The following CHD4 variants were observed in gnomAD, a reference collection of about 807,000 sequenced individuals.
The protein encoded by CHD4 is ATP-dependent chromatin remodeler CHD4.
In CHD4, 35 loss-of-function variants were observed where a neutral mutation model predicts 235.5. The ratio of observed to expected loss-of-function variants is 0.15; its 90% CI spans 0.11 to 0.20. The LOEUF is 0.20. Among genes scored for constraint, CHD4 ranks in the 10% least tolerant of loss-of-function variants. CHD4 has a pLI of 1.00. For missense variants in CHD4, 1,329 were observed against 2,432.3 expected (o/e 0.55, Z 9.54); for synonymous variants, 900 against 850.2 (o/e 1.06, Z -1.02).
chr12:6,572,869 T>A, intron 38 of CHD4: 1 of 473,044 alleles, frequency 2.1e-6, no homozygotes, highest in Non-Finnish European at 3.6e-6. Context: ...CAGGAGTCCA[T>A]CTCTTTAAAA....
chr12:6,592,992 T>C, intron 17 of CHD4, 99 bp downstream of exon 17: 1 of 1,542,246 alleles, frequency 6.5e-7, no homozygotes, highest in Admixed American at 1.8e-5. Flanking sequence ...GAGACAATTT[T>C]CCCCTCTCCT....
intron 2 of CHD4, among the ~76,000 whole-genome samples, chr12:6,603,491 C>T (rs1211752463): frequency 6.8e-6 from 1 of 147,998 alleles, no homozygotes; most frequent in Non-Finnish European, 1.5e-5. Context: ...GAAGCCAGCC[C>T]AGGGCACCCA....
chr12:6,592,024 A>G lies in CHD4; in HGVS notation c.2982T>C (p.Phe994=). 6.2e-7 allele frequency: 1 copy of G among 1,614,212 alleles called. No individual in the cohort carries two copies. The highest frequency in any genetic ancestry group is 8.5e-7 in the Non-Finnish European group (1 of 1,180,030). ...KYYKYILTRN[F]EALNARGGGN... ...CACCACCTCGGGCATTGAGTGCTTC[A>G]AAATTTCGAGTGAGGATGTACTTGT... The change falls in exon 20 of 40, where the codon TTT becomes TTC. Residue 994 remains phenylalanine, a synonymous_variant. Coordinates refer to ENST00000544040, the MANE Select transcript of CHD4 (RefSeq NM_001273.5).
At chr12:6,595,975 A>G in intron 13 of CHD4, 31 bp downstream of exon 13, 1 of 1,576,684 alleles carries the variant, frequency 6.3e-7, no homozygotes, top group Non-Finnish European at 8.6e-7. Context: ...AAAAAAAGAA[A>G]CAACTCTATG....
intron 2 of CHD4, 59 bp from the exon 3 acceptor site, chr12:6,602,556 C>A (rs2136226397): frequency 6.3e-7 from 1 of 1,590,902 alleles, no homozygotes; most frequent in Middle Eastern, 1.7e-4. Context: ...AAAGGTTAGG[C>A]CCTAATCCAG....
rs538212538 is a variant in CHD4 at position 6,571,152 on chromosome 12, G to A, written c.5558-120C>T. Reference sequence around the variant, plus strand: ...AAGTAACTGTGATGTATTGTCTTCTGTCATCTGACCTGACCTCCACCATGT... The same window carrying A: ...AAGTAACTGTGATGTATTGTCTTCTATCATCTGACCTGACCTCCACCATGT... On this transcript the variant is annotated intron_variant, in intron 38 of 39. Transcript: ENST00000544040. The A allele has an allele frequency of 5.2e-5, 62 of 1,187,718 alleles. 1 individual carries two copies. The highest frequency in any genetic ancestry group is 4.9e-4 in the South Asian group (34 of 69,566). The allele number at this position is 1,187,718 out of a possible 1,614,324, so 73.6% of individuals were successfully genotyped here. A position where few individuals can be genotyped will look rare whatever the true frequency, so the allele number is the denominator to read the frequency against.
chr12:6,585,998 G>T (rs1288529602), intron 25 of CHD4, among the ~76,000 whole-genome samples: 1 of 152,028 alleles, frequency 6.6e-6, no homozygotes, highest in Non-Finnish European at 1.5e-5. Flanking sequence ...TACTTGGGAG[G>T]CTGAGGCAGG....
intron 2 of CHD4, among the ~76,000 whole-genome samples, chr12:6,603,948 C>G (rs1352638267): frequency 6.6e-6 from 1 of 152,082 alleles, no homozygotes; most frequent in Non-Finnish European, 1.5e-5. Flanking sequence ...GGAATGTCTG[C>G]ACAAAAAAAC....
intron 19 of CHD4, 84 bp from the exon 20 acceptor site, chr12:6,592,141 T>C: frequency 6.5e-7 from 1 of 1,528,764 alleles, no homozygotes; most frequent in African/African-American, 1.4e-5. Flanking sequence ...GAGATCTTTC[T>C]TCCAACACAT....
chr12:6,600,173 T>G (rs1351784081), intron 9 of CHD4, 44 bp downstream of exon 9: 1 of 1,605,818 alleles, frequency 6.2e-7, no homozygotes, highest in Admixed American at 1.7e-5. Context: ...TGTCCCACCC[T>G]TCTTCTCATG....
intron 2 of CHD4, among the ~76,000 whole-genome samples, chr12:6,603,401 G>T (rs911477458): frequency 5.3e-5 from 8 of 152,124 alleles, no homozygotes; most frequent in South Asian, 2.1e-4. Flanking sequence ...CCGCCCAAAG[G>T]GGGGTGGGTA....
At chr12:6,600,101 C>A in intron 9 of CHD4, 89 bp from the exon 10 acceptor site, 2 of 1,578,444 alleles carry the variant, frequency 1.3e-6, no homozygotes, top group Non-Finnish European at 8.6e-7. Flanking sequence ...TGAATGCTTC[C>A]CAAAGCTCAC....
At chr12:6,573,383 G>T in intron 37 of CHD4, 114 bp from the exon 38 acceptor site, 1 of 831,086 alleles carries the variant, frequency 1.2e-6, no homozygotes, top group Non-Finnish European at 1.7e-6. Flanking sequence ...AACCTATGAA[G>T]AACTTCATGG....
chr12:6,588,172 A>C lies in CHD4; in HGVS notation c.3465+126T>G, dbSNP rs113787020. ...ACTCTGGCTTACAATAAGGTAAACA[A>C]CACAAAAAGAATCTGTTGTTTCTCA... is the stretch of plus-strand genomic sequence containing the variant. On this transcript the variant is annotated intron_variant, in intron 23 of 39. Coordinates refer to ENST00000544040, the MANE Select transcript of CHD4 (RefSeq NM_001273.5). 50 of 1,337,428 alleles carry C rather than the reference A, an allele frequency of 3.7e-5. 1 individual carries two copies. The highest frequency in any genetic ancestry group is 2.9e-4 in the African/African-American group (20 of 68,374). The allele number at this position is 1,337,428 out of a possible 1,614,324, so 82.8% of individuals were successfully genotyped here.
chr12:6,595,554 G>C, intron 13 of CHD4, 124 bp from the exon 14 acceptor site: 1 of 715,628 alleles, frequency 1.4e-6, no homozygotes, highest in Non-Finnish European at 2.3e-6. Context: ...TTGGGAGGCT[G>C]AGACGGGCGG....
At chr12:6,573,967 G>A (rs1482494803) in intron 37 of CHD4, among the ~76,000 whole-genome samples, 2 of 152,104 alleles carry the variant, frequency 1.3e-5, no homozygotes, top group African/African-American at 2.4e-5. Flanking sequence ...AGGTTGCAGT[G>A]AGCCAGGATC....
chr12:6,585,107 C>T (rs933640098), intron 25 of CHD4, among the ~76,000 whole-genome samples: 5 of 152,038 alleles, frequency 3.3e-5, no homozygotes, highest in African/African-American at 9.7e-5. Flanking sequence ...TGAAAGAACC[C>T]GGAGCTGAGT....
chr12:6,599,697 C>G, intron 10 of CHD4, 76 bp downstream of exon 10: 9 of 1,579,900 alleles, frequency 5.7e-6, no homozygotes, highest in Non-Finnish European at 7.8e-6. Context: ...CTCTCCTGCA[C>G]CCCAGCCTCA....
At chr12:6,573,043 A>G (rs2136191416) in intron 38 of CHD4, 31 bp downstream of exon 38, 2 of 1,580,582 alleles carry the variant, frequency 1.3e-6, no homozygotes, top group East Asian at 4.6e-5. Context: ...GGGAGGCCGA[A>G]TCGGCAGGAG....
Sources: gnomAD v4.1 joint callset for allele counts (sites outside exome capture counted in the v4.1 genomes callset) on GRCh38, gnomAD v4.1.1 for gene constraint, MANE v1.5 for transcripts, NCBI Gene and HGNC (gene_info 2026-07-23, HGNC 2026-07-21) for gene names.